PLEKHG1: variants seen among roughly 807,000 people sequenced by gnomAD.
The protein encoded by PLEKHG1 is pleckstrin homology domain-containing family G member 1.
A neutral mutation model predicts 100.8 loss-of-function variants in PLEKHG1; 44 were observed. The ratio of observed to expected loss-of-function variants is 0.44; its 90% CI spans 0.34 to 0.56. The LOEUF (loss-of-function observed/expected upper bound fraction) is 0.56. Among genes scored for constraint, PLEKHG1 ranks in the 20% least tolerant of loss-of-function variants. PLEKHG1 has a pLI of 0.01. For synonymous variants in PLEKHG1, 640 were observed against 662.5 expected (o/e 0.97, Z 0.52); for missense variants, 1,545 against 1,720.9 (o/e 0.90, Z 1.81).
intron 14 of PLEKHG1, among the ~76,000 whole-genome samples, chr6:150,829,878 C>A (rs989719160): frequency 6.6e-6 from 1 of 151,994 alleles, no homozygotes; most frequent in Non-Finnish European, 1.5e-5. Context: ...GCAGAAGGGG[C>A]TTTTCGTATA....
chr6:150,780,654 C>T (rs1650776504), intron 3 of PLEKHG1, among the ~76,000 whole-genome samples: 1 of 152,134 alleles, frequency 6.6e-6, no homozygotes, highest in Non-Finnish European at 1.5e-5. Context: ...CTCTTTATAG[C>T]ATTCTGTTTT....
chr6:150,779,353 T>C (rs1453580343), intron 3 of PLEKHG1, among the ~76,000 whole-genome samples: 2 of 146,892 alleles, frequency 1.4e-5, no homozygotes, highest in Non-Finnish European at 3.0e-5. Flanking sequence ...AGTTTTTTTT[T>C]TTTTTTTTTT....
rs138034205 is a variant in PLEKHG1, at chr6:150,772,929, C to T, written c.512+4191C>T. ...GATGAATTCTGGCCAGTGATCTTTG[C>T]AGATTATGTGAGATGTAAATATCTC... On this transcript the variant is annotated intron_variant, in intron 3 of 15. Coordinates refer to ENST00000358517, the Ensembl canonical transcript of PLEKHG1. Among the ~76,000 whole-genome samples, 66 of 152,250 alleles carry T rather than the reference C, an allele frequency of 4.3e-4. 1 individual carries two copies. Among genetic ancestry groups the T allele is most frequent in the African/African-American group, 1.5e-3 (64 of 41,540 alleles).
At chr6:150,815,359 T>G (rs983487245) in intron 10 of PLEKHG1, among the ~76,000 whole-genome samples, 1 of 152,126 alleles carries the variant, frequency 6.6e-6, no homozygotes, top group African/African-American at 2.4e-5. Context: ...AAAAATTAAA[T>G]GTCCAGACAA....
chr6:150,756,040 G>A (rs1283479666), intron 2 of PLEKHG1, among the ~76,000 whole-genome samples: 3 of 152,112 alleles, frequency 2.0e-5, no homozygotes, highest in Admixed American at 6.6e-5. Context: ...TGGAAACCTC[G>A]TCCGTAAGAG....
rs1335014123 is a variant in PLEKHG1, at chr6:150,683,860, T to A, written c.-99+33074T>A. 1 of 1,270,852 alleles carries A rather than the reference T, an allele frequency of 7.9e-7. No homozygotes were observed. Among genetic ancestry groups the A allele is most frequent in the African/African-American group, 1.5e-5 (1 of 65,240 alleles). 78.7% of individuals were successfully genotyped at this position (1,270,852 alleles called of 1,614,324 possible). On this transcript the variant is annotated intron_variant, in intron 3 of 3. Transcript: ENST00000367326. The surrounding 1 kb of genome is among the most constrained non-coding windows in gnomAD (Gnocchi z 4.0). ...ATCACAGGCGAGTGAAATATGGGAA[T>A]ATTGAAGGGGCCTGGGATGGAGGTA...
intron 2 of PLEKHG1, among the ~76,000 whole-genome samples, chr6:150,762,451 G>A (rs9397356): frequency 0.36 from 55,243 of 151,366 alleles, 12,344 homozygotes; most frequent in African/African-American, 0.61. Context: ...TGCCTGCCTC[G>A]GCCTCAGAAA....
At chr6:150,615,727 G>T (rs1053325647) in intron 1 of PLEKHG1, among the ~76,000 whole-genome samples, 5 of 152,204 alleles carry the variant, frequency 3.3e-5, no homozygotes, top group African/African-American at 1.2e-4. Flanking sequence ...CGGATATGAG[G>T]ACAACGAGGG....
At chr6:150,728,827 T>C (rs9371195) in intron 1 of PLEKHG1, among the ~76,000 whole-genome samples, 138,980 of 151,164 alleles carry the variant, frequency 0.92, 63,989 homozygotes, top group Non-Finnish European at 0.93. Context: ...ACCCAGGAGG[T>C]GGAGGTTGCA....
intron 2 of PLEKHG1, among the ~76,000 whole-genome samples, chr6:150,738,752 T>C (rs1270405859): frequency 6.6e-6 from 1 of 152,182 alleles, no homozygotes; most frequent in Non-Finnish European, 1.5e-5. Context: ...AGTCATTTAC[T>C]TTTGTACACT....
intron 3 of PLEKHG1, among the ~76,000 whole-genome samples, chr6:150,669,476 G>A (rs975118125): frequency 6.6e-6 from 1 of 151,738 alleles, no homozygotes; most frequent in Non-Finnish European, 1.5e-5. Context: ...ATAACGCGAC[G>A]TTCTTTGGGG....
rs973572722 is a variant in PLEKHG1, at chr6:150,758,582, G to A, written c.412-10056G>A. Among the ~76,000 whole-genome samples, 10 of 152,272 alleles carry A rather than the reference G, an allele frequency of 6.6e-5. No homozygotes were observed. In the South Asian group the frequency reaches 1.2e-3, roughly 19 times the overall value. On this transcript the variant is annotated intron_variant, in intron 2 of 15. Transcript: ENST00000358517. ...ACTCCTGACCTCAGGTGATCTGCCT[G>A]CCTTGGCCTCCCAAAGTGCTGGGAT...
intron 3 of PLEKHG1, among the ~76,000 whole-genome samples, chr6:150,782,919 A>G (rs1405888351): frequency 1.3e-5 from 2 of 152,176 alleles, no homozygotes; most frequent in African/African-American, 4.8e-5. Flanking sequence ...TCTAACATGA[A>G]TGACAGAAGC....
chr6:150,606,823 G>A (rs1440969445), intron 1 of PLEKHG1, among the ~76,000 whole-genome samples: 1 of 152,012 alleles, frequency 6.6e-6, no homozygotes, highest in African/African-American at 2.4e-5. Context: ...AGCACTCAGG[G>A]GCATGCTGGC....
chr6:150,817,629 C>T lies in PLEKHG1; in HGVS notation c.1279-554C>T, dbSNP rs537274670. 2.0e-5 allele frequency among the ~76,000 whole-genome samples: 3 copies of T among 148,456 alleles called. No individual in the cohort carries two copies. The South Asian group carries it at 6.4e-4, about 32-fold the overall frequency. ...CTAGAGTGCAGTGGCTCAATCTCGG[C>T]TCACTGCAACCTCCGCTTCCTGGGT... On this transcript the variant is annotated intron_variant, in intron 10 of 15. Transcript: ENST00000358517.
At chr6:150,775,354 T>C (rs1332925353) in intron 3 of PLEKHG1, among the ~76,000 whole-genome samples, 2 of 152,196 alleles carry the variant, frequency 1.3e-5, no homozygotes, top group Non-Finnish European at 2.9e-5. Flanking sequence ...TTCCTCCATA[T>C]TGAATGTCTG....
At chr6:150,745,449 G>A (rs1171977610) in intron 2 of PLEKHG1, among the ~76,000 whole-genome samples, 1 of 152,282 alleles carries the variant, frequency 6.6e-6, no homozygotes, top group African/African-American at 2.4e-5. Flanking sequence ...GTGGGAGGCC[G>A]AGGCAGGTGG....
intron 1 of PLEKHG1, among the ~76,000 whole-genome samples, chr6:150,613,466 A>G (rs182817406): frequency 6.6e-6 from 1 of 152,334 alleles, no homozygotes; most frequent in East Asian, 1.9e-4. Flanking sequence ...CTTGTTGACT[A>G]AATAAACATC....
intron 1 of PLEKHG1, among the ~76,000 whole-genome samples, chr6:150,632,594 G>T (rs866976250): frequency 6.6e-6 from 1 of 152,244 alleles, no homozygotes; most frequent in African/African-American, 2.4e-5. Flanking sequence ...TTCTCAACAG[G>T]ATGGCAGGAA....
Sources: allele counts gnomAD v4.1 joint callset (sites outside exome capture counted in the v4.1 genomes callset), GRCh38; gene constraint gnomAD v4.1.1; non-coding constraint Gnocchi (gnomAD v3.1); transcripts MANE v1.5; gene names NCBI Gene and HGNC (gene_info 2026-07-23, HGNC 2026-07-21).